Variants in FAM13A observed in about 807,000 individuals in gnomAD.
FAM13A encodes protein FAM13A.
In FAM13A, 76 loss-of-function variants were observed where a neutral mutation model predicts 129.6. That is an observed-to-expected ratio of 0.59 (90% CI 0.49 to 0.71). The LOEUF (loss-of-function observed/expected upper bound fraction) is 0.71. Ranked by LOEUF, FAM13A falls within the 30% of genes least tolerant of loss-of-function variation. The pLI, the probability that FAM13A is intolerant of heterozygous loss-of-function variation, is 0.00. For synonymous variants in FAM13A, 443 were observed against 449.9 expected (o/e 0.98, Z 0.20); for missense variants, 1,108 against 1,249.3 (o/e 0.89, Z 1.70).
chr4:88,921,719 A>G (rs1205393077), intron 5 of FAM13A, among the ~76,000 whole-genome samples: 1 of 152,240 alleles, frequency 6.6e-6, no homozygotes, highest in South Asian at 2.1e-4. Flanking sequence ...TTAAATGTAA[A>G]TGGACTAAAT....
chr4:88,839,797 A>G (rs1735495097), intron 7 of FAM13A, among the ~76,000 whole-genome samples: 1 of 152,226 alleles, frequency 6.6e-6, no homozygotes, highest in African/African-American at 2.4e-5. Context: ...AACATTTTTA[A>G]TAATTGTTAA....
intron 4 of FAM13A, among the ~76,000 whole-genome samples, chr4:88,966,151 A>G (rs1759321044): frequency 6.6e-6 from 1 of 152,162 alleles, no homozygotes; most frequent in African/African-American, 2.4e-5. Context: ...TTTGACCACT[A>G]ATGTGATTTT....
chr4:88,911,640 G>C (rs7695732), intron 5 of FAM13A, among the ~76,000 whole-genome samples: 44,434 of 151,912 alleles, frequency 0.29, 6,901 homozygotes, highest in African/African-American at 0.4. Flanking sequence ...TTGTATCAAA[G>C]AGCAATTCCC....
At chr4:88,990,915 C>G in intron 4 of FAM13A, 58 bp downstream of exon 4, 1 of 1,292,760 alleles carries the variant, frequency 7.7e-7, no homozygotes, top group Non-Finnish European at 1.1e-6. Context: ...TAATTTCAGA[C>G]AGTAGTAAAC....
rs577270057 is a variant in FAM13A, at chr4:89,056,958, C to T, written c.7G>A (p.Ala3Thr). Residue 3 changes from alanine (A) to threonine (T), a missense_variant, in exon 1 of 24, where the codon GCA (alanine) becomes ACA (threonine). Transcript: ENST00000264344. ...CTTACACAGATGGCTAGAGCTCCTG[C>T]CCCCATTCTCTCAGAAAGCGTCTGG... MG[A>T]GALAICQSKA... is the part of the protein sequence containing the mutation. 3.1e-6 allele frequency: 5 copies of T among 1,613,680 alleles called. No homozygotes were observed. The highest frequency in any genetic ancestry group is 2.2e-5 in the East Asian group (1 of 44,870).
chr4:88,851,444 C>G (rs900747584), intron 6 of FAM13A, among the ~76,000 whole-genome samples: 3 of 151,662 alleles, frequency 2.0e-5, no homozygotes, highest in African/African-American at 7.3e-5. Flanking sequence ...TCTATTCTGG[C>G]AGAAATCTTC....
intron 8 of FAM13A, among the ~76,000 whole-genome samples, chr4:88,799,916 C>A (rs1047978531): frequency 1.3e-5 from 2 of 152,124 alleles, no homozygotes; most frequent in African/African-American, 4.8e-5. Flanking sequence ...TGTCTATTGA[C>A]AAGTGAAAGG....
chr4:88,941,131 C>T (rs1006450551), intron 4 of FAM13A, among the ~76,000 whole-genome samples: 1 of 152,104 alleles, frequency 6.6e-6, no homozygotes, highest in Non-Finnish European at 1.5e-5. Context: ...CTAAGCACAA[C>T]AAACCAGATT....
intron 5 of FAM13A, among the ~76,000 whole-genome samples, chr4:88,935,370 G>A (rs1321186792): frequency 1.3e-5 from 2 of 152,186 alleles, no homozygotes; most frequent in Non-Finnish European, 2.9e-5. Context: ...ACAGAGGTAT[G>A]TCAGTGTTTA....
chr4:88,888,928 TC>T (rs1744905781), intron 6 of FAM13A, among the ~76,000 whole-genome samples: 1 of 121,296 alleles, frequency 8.2e-6, no homozygotes, highest in South Asian at 2.6e-4. Flanking sequence ...AGAGCGAGAC[TC>T]CGTCTCCAAA....
At chr4:88,960,029 C>T in intron 4 of FAM13A, among the ~76,000 whole-genome samples, 1 of 152,160 alleles carries the variant, frequency 6.6e-6, no homozygotes, top group East Asian at 1.9e-4. Flanking sequence ...AATGACTTTT[C>T]AAAATACACT....
chr4:88,938,938 A>G (rs1448825053), intron 4 of FAM13A, among the ~76,000 whole-genome samples: 1 of 152,218 alleles, frequency 6.6e-6, no homozygotes, highest in Non-Finnish European at 1.5e-5. Flanking sequence ...AAAGAAAAAG[A>G]GACAAAAGAC....
In FAM13A at chr4:88,739,086, C is replaced by CT; in HGVS notation, c.2505_2506insA (p.Asp836ArgfsTer14). On this transcript the variant is annotated frameshift_variant, in exon 20 of 24. Coordinates refer to ENST00000264344, the MANE Select transcript of FAM13A (RefSeq NM_014883.4). LOFTEE classifies it high-confidence loss of function. ...ATCTGTTTGACCAGCCGGTACCTGT[C>CT]GTATAGTGGCTTCATCACCTGCCGT... is the stretch of plus-strand genomic sequence containing the variant. The CT allele has an allele frequency of 6.2e-7, 1 of 1,613,854 alleles. No homozygotes were observed. Among genetic ancestry groups the CT allele is most frequent in the East Asian group, 2.2e-5 (1 of 44,872 alleles).
intron 8 of FAM13A, among the ~76,000 whole-genome samples, chr4:88,795,414 C>A (rs2149695388): frequency 6.6e-6 from 1 of 151,842 alleles, no homozygotes; most frequent in South Asian, 2.1e-4. Flanking sequence ...ATCTTTTATA[C>A]AGCTTCTTTT....
At chr4:88,795,157 A>G (rs542427636) in intron 8 of FAM13A, among the ~76,000 whole-genome samples, 1 of 151,956 alleles carries the variant, frequency 6.6e-6, no homozygotes, top group Non-Finnish European at 1.5e-5. Context: ...CATTTTGGGT[A>G]GCCTCAAATC....
chr4:88,870,615 T>TA (rs1741207457), intron 6 of FAM13A, among the ~76,000 whole-genome samples: 1 of 152,096 alleles, frequency 6.6e-6, no homozygotes, highest in Non-Finnish European at 1.5e-5. Flanking sequence ...CTTGAGTAGG[T>TA]AAACAAAGCG....
chr4:89,031,687 G>C (rs1768700501), intron 1 of FAM13A, among the ~76,000 whole-genome samples: 1 of 152,024 alleles, frequency 6.6e-6, no homozygotes, highest in South Asian at 2.1e-4. Context: ...CATTCCTGTG[G>C]TAAATATCTC....
chr4:88,945,990 G>GTGTGTGTGTGTGTGTGTATATATATA, intron 4 of FAM13A, among the ~76,000 whole-genome samples: 10 of 61,942 alleles, frequency 1.6e-4, no homozygotes, highest in Non-Finnish European at 2.9e-4. Flanking sequence ...GTGTGTGTGT[G>GTGTGTGTGTGTGTGTGTATATATATA]TATATATATA....
intron 4 of FAM13A, among the ~76,000 whole-genome samples, chr4:88,963,529 C>G (rs948384145): frequency 3.3e-5 from 5 of 152,154 alleles, no homozygotes; most frequent in Non-Finnish European, 5.9e-5. Context: ...AACTCCTGAC[C>G]TCAGGTGATC....
Sources: allele counts gnomAD v4.1 joint callset (sites outside exome capture counted in the v4.1 genomes callset), GRCh38; gene constraint gnomAD v4.1.1; transcripts MANE v1.5; gene names NCBI Gene and HGNC (gene_info 2026-07-23, HGNC 2026-07-21).